Variants in CCDC150 observed in about 807,000 individuals in gnomAD.
CCDC150 encodes the protein coiled-coil domain-containing protein 150.
Under a neutral mutation model 156.5 loss-of-function variants are expected in CCDC150, and 151 were observed. That is an observed-to-expected ratio of 0.97 (90% CI 0.85 to 1.10). CCDC150 has a LOEUF of 1.10. CCDC150 is among the 50% of genes least tolerant of loss of function. The probability of loss-of-function intolerance (pLI) is 0.00; values close to 1 mark genes in which losing one functional copy is unlikely to be tolerated. For missense variants in CCDC150, 1,312 were observed against 1,268.1 expected (o/e 1.03, Z -0.53); for synonymous variants, 452 against 429.4 (o/e 1.05, Z -0.65).
intron 13 of CCDC150, among the ~76,000 whole-genome samples, chr2:196,679,142 A>G (rs1047413952): frequency 1.3e-5 from 2 of 152,206 alleles, no homozygotes; most frequent in Non-Finnish European, 2.9e-5. Flanking sequence ...TTTTAACAGT[A>G]TGCTTTTTTA....
At chr2:196,654,616 T>A (rs1355566926) in intron 2 of CCDC150, among the ~76,000 whole-genome samples, 2 of 152,154 alleles carry the variant, frequency 1.3e-5, no homozygotes, top group Non-Finnish European at 2.9e-5. Flanking sequence ...TTTCTTACTC[T>A]CTTTTGTTGA....
At chr2:196,693,784 AT>A (rs992841453) in intron 13 of CCDC150, among the ~76,000 whole-genome samples, 34 of 152,200 alleles carry the variant, frequency 2.2e-4, no homozygotes, top group African/African-American at 8.2e-4. Context: ...TTATGGATAC[AT>A]TTTTTAATCA....
At chr2:196,699,595 G>C (rs3762615) in intron 14 of CCDC150, among the ~76,000 whole-genome samples, 121,782 of 151,828 alleles carry the variant, frequency 0.8, 49,160 homozygotes, top group East Asian at 0.97. Flanking sequence ...TCACGGCTCA[G>C]TGTAGCCTCG....
intron 10 of CCDC150, among the ~76,000 whole-genome samples, chr2:196,674,690 CT>C (rs1694395732): frequency 6.6e-6 from 1 of 152,134 alleles, no homozygotes; most frequent in Non-Finnish European, 1.5e-5. Context: ...GCCATTTTCT[CT>C]GCTGAGAATG....
intron 2 of CCDC150, among the ~76,000 whole-genome samples, chr2:196,653,934 A>G (rs911371247): frequency 6.6e-6 from 1 of 152,244 alleles, no homozygotes; most frequent in Non-Finnish European, 1.5e-5. Flanking sequence ...TGAGGGCCTC[A>G]GGAAGCTTAC....
chr2:196,653,400 G>T (rs577818114), intron 2 of CCDC150, among the ~76,000 whole-genome samples: 1 of 152,278 alleles, frequency 6.6e-6, no homozygotes, highest in African/African-American at 2.4e-5. Context: ...TCTTCTGCTG[G>T]ATACCCTAGG....
In CCDC150 at chr2:196,665,491, ACTT is replaced by A. The variant is rs1559224829; in HGVS notation, c.646-73_646-71del. On this transcript the variant is annotated intron_variant, in intron 5 of 27. Coordinates refer to ENST00000389175, the MANE Select transcript of CCDC150 (RefSeq NM_001080539.2). Reference sequence around the variant, plus strand: ...GGGGGTGAGATGGCATGTCTGATAAACTTCTCAGGTAACTTTGATCTTTGTTAA... The same window carrying A: ...GGGGGTGAGATGGCATGTCTGATAAACTCAGGTAACTTTGATCTTTGTTAA... The A allele has an allele frequency of 1.3e-5, 10 of 769,806 alleles. 1 individual carries two copies. Among genetic ancestry groups the A allele is most frequent in the Non-Finnish European group, 2.1e-5 (10 of 482,514 alleles). The allele number at this position is 769,806 out of a possible 1,614,324, so 47.7% of individuals were successfully genotyped here. A position where few individuals can be genotyped will look rare whatever the true frequency, so the allele number is the denominator to read the frequency against.
Position 196,729,204 on chromosome 2 carries a change from C to A in CCDC150, c.2568C>A (p.Ala856=), listed in dbSNP as rs747642580. The change falls in exon 23 of 28, where the codon GCC becomes GCA. Residue 856 remains alanine, a synonymous_variant. Coordinates refer to ENST00000389175, the MANE Select transcript of CCDC150 (RefSeq NM_001080539.2). ...CCTTGTGTTTTAAGCTGAAGAAAGC[C>A]CTTGATGAAGCTAACTTCAGATCAG... The part of the protein sequence containing the change: ...AQREVAELKK[A]LDEANFRSVE... 1 of 1,607,764 alleles carries A rather than the reference C, an allele frequency of 6.2e-7. No homozygotes were observed. Among genetic ancestry groups the A allele is most frequent in the African/African-American group, 1.3e-5 (1 of 74,222 alleles).
At chr2:196,706,954 A>T (rs1489481264) in intron 15 of CCDC150, among the ~76,000 whole-genome samples, 1 of 152,106 alleles carries the variant, frequency 6.6e-6, no homozygotes, top group South Asian at 2.1e-4. Context: ...TTCATCAGGG[A>T]TATTGGTCTA....
intron 5 of CCDC150, among the ~76,000 whole-genome samples, chr2:196,664,252 G>A (rs1197201892): frequency 6.6e-6 from 1 of 152,152 alleles, no homozygotes; most frequent in Non-Finnish European, 1.5e-5. Context: ...GACAGGTGAG[G>A]ACTCAGTCTC....
At chr2:196,686,047 T>C (rs1041065857) in intron 13 of CCDC150, 5 of 153,420 alleles carry the variant, frequency 3.3e-5, no homozygotes, top group African/African-American at 1.2e-4. Context: ...CTCTTGATAC[T>C]TTCAAGATTT....
chr2:196,675,842 A>G (rs1296029134), intron 10 of CCDC150, among the ~76,000 whole-genome samples: 2 of 152,206 alleles, frequency 1.3e-5, no homozygotes, highest in Non-Finnish European at 2.9e-5. Flanking sequence ...TACTTGTAAT[A>G]TAATTTTCTA....
chr2:196,696,923 T>C (rs1165916555), intron 14 of CCDC150, among the ~76,000 whole-genome samples: 1 of 152,162 alleles, frequency 6.6e-6, no homozygotes, highest in African/African-American at 2.4e-5. Context: ...ATAGACCTGG[T>C]TTCAACCTCC....
chr2:196,674,140 A>G (rs1322703674), intron 9 of CCDC150, 101 bp from the exon 10 acceptor site: 9 of 710,838 alleles, frequency 1.3e-5, no homozygotes, highest in South Asian at 3.6e-5. Flanking sequence ...TTAGTTTCAT[A>G]TATACAGTGA....
chr2:196,720,552 C>T, intron 19 of CCDC150, 23 bp from the exon 20 acceptor site: 1 of 1,599,634 alleles, frequency 6.3e-7, no homozygotes, highest in African/African-American at 1.3e-5. Flanking sequence ...TGTAGTCACT[C>T]TTTTTGTGCT....
chr2:196,658,496 T>G (rs981884925), intron 4 of CCDC150, among the ~76,000 whole-genome samples: 1 of 152,194 alleles, frequency 6.6e-6, no homozygotes, highest in Non-Finnish European at 1.5e-5. Context: ...GTCTGTCAAT[T>G]ACCAGATTGA....
At chr2:196,651,367 A>G (rs1028965622) in intron 2 of CCDC150, among the ~76,000 whole-genome samples, 11 of 152,162 alleles carry the variant, frequency 7.2e-5, no homozygotes, top group African/African-American at 2.7e-4. Context: ...CAGTACTTTT[A>G]TTAGTGATTT....
intron 17 of CCDC150, among the ~76,000 whole-genome samples, chr2:196,714,944 G>T (rs1196307956): frequency 6.6e-6 from 1 of 152,056 alleles, no homozygotes; most frequent in East Asian, 1.9e-4. Flanking sequence ...ATCCTTTTCT[G>T]TAGAAAAAGT....
At chr2:196,719,368 A>G (rs1559273560) in intron 18 of CCDC150, 129 bp from the exon 19 acceptor site, 1 of 620,188 alleles carries the variant, frequency 1.6e-6, no homozygotes, top group African/African-American at 1.9e-5. Flanking sequence ...TACTTTAATT[A>G]TTCCCACTAG....
Sources: allele counts gnomAD v4.1 joint callset (sites outside exome capture counted in the v4.1 genomes callset), GRCh38; gene constraint gnomAD v4.1.1; transcripts MANE v1.5; gene names NCBI Gene and HGNC (gene_info 2026-07-23, HGNC 2026-07-21).